NFIB: variants seen among roughly 807,000 people sequenced by gnomAD.
NFIB encodes nuclear factor 1 B-type.
Under a neutral mutation model 61.5 loss-of-function variants are expected in NFIB, and 11 were observed. The observed-to-expected ratio is 0.18, with a 90% CI of 0.11 to 0.30. The LOEUF is 0.30. Ranked by LOEUF, NFIB falls within the 10% of genes least tolerant of loss-of-function variation. The pLI is 1.00. For synonymous variants in NFIB, 260 were observed against 216.5 expected, an observed-to-expected ratio of 1.20 and a Z score of -1.76; for missense variants, 471 against 608.9, an observed-to-expected ratio of 0.77 and a Z score of 2.38.
chr9:14,420,445 CAAAAAAAAAA>C, the NFIB span, among the ~76,000 whole-genome samples: 4 of 42,418 alleles, frequency 9.4e-5, no homozygotes, highest in African/African-American at 3.8e-4. Context: ...GACTCCGTCT[CAAAAAAAAAA>C]AAAAAAAAAA....
intron 2 of NFIB, among the ~76,000 whole-genome samples, chr9:14,190,457 G>A (rs1416351915): frequency 6.6e-6 from 1 of 152,122 alleles, no homozygotes; most frequent in Non-Finnish European, 1.5e-5. Context: ...CTGATGAACA[G>A]GAAGCTTGCT....
the NFIB span, among the ~76,000 whole-genome samples, chr9:14,515,154 G>C: frequency 2.0e-5 from 3 of 151,980 alleles, no homozygotes; most frequent in Admixed American, 2.0e-4. Flanking sequence ...CTAGCCAGAA[G>C]GATAGAACTG....
Position 14,376,728 on chromosome 9 carries a change from G to C in NFIB, c.108+21796C>G, listed in dbSNP as rs537124541. Among the ~76,000 whole-genome samples, 8 of 152,114 alleles carry C rather than the reference G, an allele frequency of 5.3e-5. No individual in the cohort carries two copies. In the South Asian group the frequency reaches 8.3e-4, roughly 16 times the overall value. On this transcript the variant is annotated intron_variant, in intron 1 of 8. Coordinates refer to the NFIB transcript ENST00000380934. The stretch of plus-strand genomic sequence containing the variant: ...AGACAGGGTTTCACCATGTTGGCCA[G>C]GCTGATCTCAAATTCCTGACCTCAG...
chr9:14,097,593 C>T (rs550727357), intron 10 of NFIB, among the ~76,000 whole-genome samples: 4 of 152,138 alleles, frequency 2.6e-5, no homozygotes, highest in Non-Finnish European at 5.9e-5. Context: ...CATACGTATG[C>T]CACATATATG....
intron 1 of NFIB, chr9:14,361,362 G>C (rs1249705002): frequency 6.6e-6 from 1 of 151,898 alleles, no homozygotes; most frequent in Non-Finnish European, 1.5e-5. Flanking sequence ...ACACCCACTT[G>C]TCTTGGTTTA....
At chr9:14,214,639 CTT>C (rs1563909089) in intron 2 of NFIB, among the ~76,000 whole-genome samples, 1 of 152,212 alleles carries the variant, frequency 6.6e-6, no homozygotes, top group African/African-American at 2.4e-5. Context: ...TACCAGGAAA[CTT>C]TTTAAACACA....
At chr9:14,222,139 A>G (rs778890830) in intron 2 of NFIB, among the ~76,000 whole-genome samples, 8 of 152,138 alleles carry the variant, frequency 5.3e-5, no homozygotes, top group Non-Finnish European at 1.2e-4. Flanking sequence ...TCCCTTGTCA[A>G]CTGTTTCCAG....
At chr9:14,380,910 AGCACTCAGATCTCCTCCATACTGAGTG>A (rs886530752) in intron 1 of NFIB, among the ~76,000 whole-genome samples, 3 of 151,884 alleles carry the variant, frequency 2.0e-5, no homozygotes. Context: ...CTGTTCTTCC[AGCACTCAGATCTCCTCCATACTGAGTG>A]GAGGCCCCTG....
At chr9:14,142,735 G>C (rs1013980795) in intron 6 of NFIB, among the ~76,000 whole-genome samples, 8 of 152,262 alleles carry the variant, frequency 5.3e-5, no homozygotes, top group Middle Eastern at 6.8e-3. Flanking sequence ...CCTGTTGACA[G>C]TCTAATCTGG....
At chr9:14,160,236 G>C (rs1017125556) in intron 3 of NFIB, among the ~76,000 whole-genome samples, 4 of 152,150 alleles carry the variant, frequency 2.6e-5, no homozygotes, top group African/African-American at 9.7e-5. Context: ...AAAAGCAACA[G>C]TAAATCACTA....
In NFIB at chr9:14,188,913, A is replaced by G. The variant is rs550633792; in HGVS notation, c.563-9133T>C. 1.9e-4 allele frequency among the ~76,000 whole-genome samples: 29 copies of G among 152,374 alleles called. 1 individual carries two copies. In the South Asian group the frequency reaches 5.6e-3, roughly 29 times the overall value. Reference sequence around the variant, plus strand: ...ATCTGAAAATGAAAACCAGAATGTCATCAGACTCAAGAACATAATCATGAA... The same window carrying G: ...ATCTGAAAATGAAAACCAGAATGTCGTCAGACTCAAGAACATAATCATGAA... On this transcript the variant is annotated intron_variant, in intron 2 of 10. Coordinates refer to ENST00000380953, the MANE Select transcript of NFIB (RefSeq NM_001190737.2).
At chr9:14,485,742 G>C in the NFIB span, among the ~76,000 whole-genome samples, 2 of 152,114 alleles carry the variant, frequency 1.3e-5, no homozygotes, top group Non-Finnish European at 2.9e-5. Flanking sequence ...GGGTGTTGTG[G>C]TGGGCGCCTG....
At position 14,296,537 on chromosome 9, in the gene NFIB, T is replaced by A. The variant is rs1048792791; in HGVS notation, c.562+10452A>T. ...GTGGGGCCTTTGGGAGATAATTAGGTCATGAGATTGGAGCTTTCATAAACA... is the reference window on the plus strand; with the variant it reads ...GTGGGGCCTTTGGGAGATAATTAGGACATGAGATTGGAGCTTTCATAAACA... On this transcript the variant is annotated intron_variant, in intron 2 of 10. Transcript: ENST00000380953. Among the ~76,000 whole-genome samples the A allele has an allele frequency of 4.6e-5, 7 of 152,306 alleles. No individual in the cohort carries two copies. In the South Asian group the frequency reaches 1.2e-3, roughly 27 times the overall value.
At chr9:14,101,470 A>G (rs541141901) in intron 10 of NFIB, among the ~76,000 whole-genome samples, 1 of 152,354 alleles carries the variant, frequency 6.6e-6, no homozygotes, top group South Asian at 2.1e-4. Context: ...CAGACGATCT[A>G]CAACTCTATC....
chr9:14,499,049 C>T, the NFIB span, among the ~76,000 whole-genome samples: 1 of 150,616 alleles, frequency 6.6e-6, no homozygotes. Context: ...CACGTGTGTA[C>T]GTGTGTGTGC....
chr9:14,220,847 A>C lies in NFIB; in HGVS notation c.563-41067T>G, dbSNP rs202172026. ...TCCAGTGAAATCAATCTCCCTACACACACACACACACACACACACACACAC... is the reference window on the plus strand; with the variant it reads ...TCCAGTGAAATCAATCTCCCTACACCCACACACACACACACACACACACAC... On this transcript the variant is annotated intron_variant, in intron 2 of 10. Transcript: ENST00000380953. Among the ~76,000 whole-genome samples, 31 of 94,484 alleles carry C rather than the reference A, an allele frequency of 3.3e-4. No individual in the cohort carries two copies. In the East Asian group the frequency reaches 0.011, roughly 33 times the overall value. 62.0% of individuals were successfully genotyped at this position (94,484 alleles called of 152,430 possible). A position where few individuals can be genotyped will look rare whatever the true frequency, so the allele number is the denominator to read the frequency against.
In NFIB at chr9:14,307,449, C is replaced by G; in HGVS notation, c.102G>C (p.Leu34=). ...TAAAGTACTTGCGTTTTCGAGCCTG[C>G]AGGTTGAACCAAGTATAGGCAATTG... ...VRAIAYTWFN[L]QARKRKYFKK... The change falls in exon 2 of 11, where the codon CTG becomes CTC. Residue 34 remains leucine, a synonymous_variant. Coordinates refer to ENST00000380953, the MANE Select transcript of NFIB (RefSeq NM_001190737.2). The surrounding 1 kb of genome is among the most constrained non-coding windows in gnomAD (Gnocchi z 5.3). 1 of 1,613,866 alleles carries G rather than the reference C, an allele frequency of 6.2e-7. No homozygotes were observed. Among genetic ancestry groups the G allele is most frequent in the Middle Eastern group, 1.6e-4 (1 of 6,062 alleles).
At chr9:14,237,178 T>C (rs2053825982) in intron 2 of NFIB, among the ~76,000 whole-genome samples, 1 of 152,174 alleles carries the variant, frequency 6.6e-6, no homozygotes, top group African/African-American at 2.4e-5. Flanking sequence ...ATCACACTTC[T>C]GAAATTCCTA....
chr9:14,225,293 G>T (rs2052226113), intron 2 of NFIB, among the ~76,000 whole-genome samples: 1 of 151,766 alleles, frequency 6.6e-6, no homozygotes, highest in Non-Finnish European at 1.5e-5. Flanking sequence ...GTTATTGTTT[G>T]GTACTAGGTT....
Sources: gnomAD v4.1 joint callset for allele counts (sites outside exome capture counted in the v4.1 genomes callset) on GRCh38, gnomAD v4.1.1 for gene constraint, Gnocchi (gnomAD v3.1) non-coding constraint, MANE v1.5 for transcripts, NCBI Gene and HGNC (gene_info 2026-07-23, HGNC 2026-07-21) for gene names.